EXOC4: variants seen among roughly 807,000 people sequenced by gnomAD.
The protein encoded by EXOC4 is exocyst complex component 4.
In EXOC4, 71 loss-of-function variants were observed where a neutral mutation model predicts 107.2. That is an observed-to-expected ratio of 0.66 (90% CI 0.55 to 0.81). The LOEUF is 0.81. Ranked by LOEUF, EXOC4 falls within the 30% of genes least tolerant of loss-of-function variation. The pLI is 0.00. For synonymous variants in EXOC4, 456 were observed against 441.2 expected (o/e 1.03, Z -0.42); for missense variants, 1,108 against 1,189.6 (o/e 0.93, Z 1.01).
rs533971786 is a variant in EXOC4 at position 133,672,866 on chromosome 7, C to A, written c.1514+42725C>A. ...AACCCAGTCTTATCCCAGGCCCTAG[C>A]AAATAGTTATTGCTTTATAATCACT... On this transcript the variant is annotated intron_variant, in intron 10 of 17. Coordinates refer to ENST00000253861, the MANE Select transcript of EXOC4 (RefSeq NM_021807.4). Among the ~76,000 whole-genome samples the A allele has an allele frequency of 5.9e-5, 9 of 152,316 alleles. No individual in the cohort carries two copies. The South Asian group carries it at 1.9e-3, about 32-fold the overall frequency.
intron 3 of EXOC4, among the ~76,000 whole-genome samples, chr7:133,298,515 G>T (rs1025248546): frequency 6.6e-6 from 1 of 152,096 alleles, no homozygotes; most frequent in South Asian, 2.1e-4. Context: ...TAGAAACCTA[G>T]GTTTTAATGC....
intron 10 of EXOC4, among the ~76,000 whole-genome samples, chr7:133,792,534 CAG>C (rs1158495275): frequency 9.9e-6 from 1 of 100,776 alleles, no homozygotes; most frequent in East Asian, 3.1e-4. Context: ...GCCTGGGTAA[CAG>C]AGTGAGACCC....
At chr7:133,406,889 C>T (rs1008805729) in intron 7 of EXOC4, among the ~76,000 whole-genome samples, 1 of 152,184 alleles carries the variant, frequency 6.6e-6, no homozygotes, top group African/African-American at 2.4e-5. Context: ...AGTCCATTGC[C>T]ACTGGTATTG....
At chr7:133,370,132 C>G (rs1021220764) in intron 6 of EXOC4, among the ~76,000 whole-genome samples, 4 of 134,368 alleles carry the variant, frequency 3.0e-5, no homozygotes, top group African/African-American at 1.1e-4. Flanking sequence ...CTCTCTCCCC[C>G]CCGCCCACCC....
intron 1 of EXOC4, among the ~76,000 whole-genome samples, chr7:133,259,522 C>T (rs1457472369): frequency 2.0e-5 from 3 of 151,876 alleles, no homozygotes; most frequent in Admixed American, 2.0e-4. Flanking sequence ...CCACCGTCCC[C>T]GGCCCACTTG....
intron 2 of EXOC4, among the ~76,000 whole-genome samples, chr7:133,282,581 A>T (rs746688277): frequency 6.6e-5 from 10 of 152,236 alleles, no homozygotes; most frequent in Non-Finnish European, 1.3e-4. Flanking sequence ...CTTTTCTAAC[A>T]TTTGAATGTT....
chr7:133,744,296 C>G lies in EXOC4; in HGVS notation c.1515-73029C>G, dbSNP rs1585117075. 3.9e-5 allele frequency among the ~76,000 whole-genome samples: 6 copies of G among 152,246 alleles called. No individual in the cohort carries two copies. The South Asian group carries it at 1.2e-3, about 32-fold the overall frequency. On this transcript the variant is annotated intron_variant, in intron 10 of 17. Coordinates refer to ENST00000253861, the MANE Select transcript of EXOC4 (RefSeq NM_021807.4). ...ATATAGCAAACTCTTAACTCTGCCC[C>G]TCATCACCGCTGCCCCCTTGAACCT...
intron 13 of EXOC4, among the ~76,000 whole-genome samples, chr7:133,918,779 C>T (rs1035966247): frequency 8.5e-5 from 13 of 152,124 alleles, no homozygotes; most frequent in African/African-American, 3.1e-4. Flanking sequence ...GGTGGTAATA[C>T]TTTGTCACAT....
At chr7:133,697,677 T>G (rs1487124420) in intron 10 of EXOC4, among the ~76,000 whole-genome samples, 1 of 152,180 alleles carries the variant, frequency 6.6e-6, no homozygotes, top group Non-Finnish European at 1.5e-5. Context: ...CTACCCTGAT[T>G]CCAACAAGGA....
chr7:133,303,349 G>A (rs552766454), intron 3 of EXOC4, among the ~76,000 whole-genome samples: 36 of 152,240 alleles, frequency 2.4e-4, no homozygotes, highest in Non-Finnish European at 4.0e-4. Flanking sequence ...CAGGAGAATC[G>A]CTTGAACTTA....
chr7:133,403,507 AATTAGAATGGTACCAAC>A (rs11273657), intron 7 of EXOC4, among the ~76,000 whole-genome samples: 9,844 of 152,272 alleles, frequency 0.065, 1,108 homozygotes, highest in African/African-American at 0.22. Flanking sequence ...AGTGATTGGC[AATTAGAATGGTACCAAC>A]ATTATCAGTT....
the EXOC4 span, among the ~76,000 whole-genome samples, chr7:134,082,021 G>A: frequency 2.6e-5 from 4 of 152,164 alleles, no homozygotes; most frequent in Non-Finnish European, 5.9e-5. Flanking sequence ...ACCAGAAAGT[G>A]GTCCTGATCC....
At position 133,647,231 on chromosome 7, in the gene EXOC4, C is replaced by T. The variant is rs115126067; in HGVS notation, c.1514+17090C>T. On this transcript the variant is annotated intron_variant, in intron 10 of 17. Transcript: ENST00000253861. ...AAGAAAGTAAAAGTTTTCAAATATT[C>T]TGAAGTCTGGGCATGTTAGGATAAT... 5.7e-3 allele frequency among the ~76,000 whole-genome samples: 860 copies of T among 152,202 alleles called. 7 individuals are homozygous for T. Among genetic ancestry groups the T allele is most frequent in the African/African-American group, 0.02 (817 of 41,532 alleles).
At chr7:133,484,254 G>A (rs909783203) in intron 9 of EXOC4, 1 of 1,325,846 alleles carries the variant, frequency 7.5e-7, no homozygotes, top group Admixed American at 2.8e-5. Flanking sequence ...TTATGGTACA[G>A]ATGGTTCATT....
intron 4 of EXOC4, chr7:133,315,357 T>C (rs1794967699): frequency 1.3e-5 from 2 of 152,268 alleles, no homozygotes; most frequent in South Asian, 2.1e-4. Flanking sequence ...TTGCCTCTCT[T>C]TTCGGTATTG....
intron 12 of EXOC4, among the ~76,000 whole-genome samples, chr7:133,900,879 T>G (rs1799436260): frequency 1.3e-5 from 2 of 152,144 alleles, no homozygotes; most frequent in Admixed American, 1.3e-4. Flanking sequence ...TTAATGTTAT[T>G]TATTTATTTA....
At chr7:133,485,586 A>T (rs1272821025) in intron 9 of EXOC4, among the ~76,000 whole-genome samples, 10 of 152,050 alleles carry the variant, frequency 6.6e-5, no homozygotes, top group Non-Finnish European at 1.2e-4. Context: ...ATTTAAAAAA[A>T]TTTTCTCATT....
intron 9 of EXOC4, among the ~76,000 whole-genome samples, chr7:133,605,101 C>A (rs900755750): frequency 1.3e-5 from 2 of 152,036 alleles, no homozygotes; most frequent in African/African-American, 2.4e-5. Flanking sequence ...GTTAGGTATT[C>A]ATGTAGGAAT....
chr7:134,005,112 TG>T (rs770602640), intron 16 of EXOC4, 22 bp downstream of exon 16: 2 of 1,590,854 alleles, frequency 1.3e-6, no homozygotes, highest in East Asian at 4.5e-5. Context: ...CTTCTGTCTC[TG>T]GGAGTTTGGG....
Sources: allele counts gnomAD v4.1 joint callset (sites outside exome capture counted in the v4.1 genomes callset), GRCh38; gene constraint gnomAD v4.1.1; transcripts MANE v1.5; gene names NCBI Gene and HGNC (gene_info 2026-07-23, HGNC 2026-07-21).